Variants in M1AP observed in about 807,000 individuals in gnomAD.
The protein encoded by M1AP is meiosis 1 arrest protein.
M1AP carries 39 observed loss-of-function variants against 51.2 expected under a neutral mutation model. That is an observed-to-expected ratio of 0.76 (90% CI 0.59 to 1.00). The LOEUF (loss-of-function observed/expected upper bound fraction) is 1.00. Ranked by LOEUF, M1AP falls within the 50% of genes least tolerant of loss-of-function variation. The pLI, the probability that M1AP is intolerant of heterozygous loss-of-function variation, is 0.00. For synonymous variants in M1AP, 251 were observed against 249.2 expected (o/e 1.01, Z -0.07); for missense variants, 545 against 641.2 (o/e 0.85, Z 1.62).
rs200196423 is a variant in M1AP at position 74,637,980 on chromosome 2, C to G, written c.240+2056G>C. Among the ~76,000 whole-genome samples the G allele has an allele frequency of 7.9e-5, 12 of 152,274 alleles. No homozygotes were observed. In the East Asian group the frequency reaches 2.3e-3, roughly 29 times the overall value. On this transcript the variant is annotated intron_variant, in intron 2 of 10. Transcript: ENST00000421985. ...ATCCATCTCCTTGACTCAAGGAAAC[C>G]ACTGGCACCCGCCCCTAGGTTCTCC...
intron 5 of M1AP, 36 bp from the exon 6 acceptor site, chr2:74,576,654 C>A: frequency 6.2e-7 from 1 of 1,607,060 alleles, no homozygotes; most frequent in South Asian, 1.1e-5. Flanking sequence ...AGACACACTA[C>A]AATTGGAGGA....
At chr2:74,586,019 G>A (rs765414305) in intron 4 of M1AP, among the ~76,000 whole-genome samples, 3 of 152,090 alleles carry the variant, frequency 2.0e-5, no homozygotes, top group Non-Finnish European at 2.9e-5. Context: ...TATTCTACAA[G>A]TACCCTACCC....
intron 1 of M1AP, 28 bp downstream of exon 1, chr2:74,648,237 T>G (rs1373776485): frequency 6.2e-6 from 6 of 975,240 alleles, no homozygotes; most frequent in Non-Finnish European, 7.3e-6. Flanking sequence ...CGGGCTGCCC[T>G]CCCTCCCCGA....
At chr2:74,644,814 C>T (rs1683507128) in intron 1 of M1AP, among the ~76,000 whole-genome samples, 1 of 152,152 alleles carries the variant, frequency 6.6e-6, no homozygotes, top group African/African-American at 2.4e-5. Context: ...ACTTTAAGTA[C>T]ATGGGGCCAA....
chr2:74,580,149 C>T (rs1033568792), intron 5 of M1AP, among the ~76,000 whole-genome samples: 1 of 152,172 alleles, frequency 6.6e-6, no homozygotes, highest in Non-Finnish European at 1.5e-5. Context: ...GTGTACCTTA[C>T]AATTGATAGC....
intron 4 of M1AP, among the ~76,000 whole-genome samples, chr2:74,593,606 C>T (rs981479062): frequency 4.6e-5 from 7 of 152,164 alleles, no homozygotes; most frequent in African/African-American, 1.4e-4. Flanking sequence ...GTCTTGAACT[C>T]CTGGCCTCAA....
intron 5 of M1AP, among the ~76,000 whole-genome samples, chr2:74,580,618 T>A (rs1679347182): frequency 6.6e-6 from 1 of 151,858 alleles, no homozygotes; most frequent in African/African-American, 2.4e-5. Flanking sequence ...TCATAAAGAG[T>A]TCTATTACAG....
At chr2:74,573,962 A>T (rs1678903712) in intron 7 of M1AP, among the ~76,000 whole-genome samples, 1 of 152,214 alleles carries the variant, frequency 6.6e-6, no homozygotes, top group Non-Finnish European at 1.5e-5. Context: ...TGGGTGGAGT[A>T]AATAGTAAAC....
At chr2:74,585,473 C>G (rs978705724) in intron 4 of M1AP, among the ~76,000 whole-genome samples, 1 of 152,216 alleles carries the variant, frequency 6.6e-6, no homozygotes, top group African/African-American at 2.4e-5. Flanking sequence ...CACAGCCTCT[C>G]TATGAAGGAA....
intron 7 of M1AP, among the ~76,000 whole-genome samples, chr2:74,570,099 C>G (rs1384815233): frequency 6.6e-6 from 1 of 152,002 alleles, no homozygotes; most frequent in Non-Finnish European, 1.5e-5. Flanking sequence ...TCCATATATG[C>G]CATTTGTGCA....
chr2:74,589,109 AG>A (rs2104622599), intron 4 of M1AP, among the ~76,000 whole-genome samples: 2 of 152,356 alleles, frequency 1.3e-5, no homozygotes, highest in South Asian at 4.1e-4. Context: ...TTGGCTGGCC[AG>A]GGAAGTATTC....
chr2:74,595,633 A>G (rs190934633), intron 4 of M1AP, among the ~76,000 whole-genome samples: 2 of 152,254 alleles, frequency 1.3e-5, no homozygotes, highest in Admixed American at 1.3e-4. Context: ...ATTGTAGGCT[A>G]AAAGCAAAGA....
intron 4 of M1AP, among the ~76,000 whole-genome samples, chr2:74,584,756 G>C (rs531032099): frequency 1.7e-4 from 25 of 147,392 alleles, no homozygotes; most frequent in Non-Finnish European, 2.8e-4. Flanking sequence ...AGGCAGAATG[G>C]CTTATTGTCC....
intron 1 of M1AP, chr2:74,647,516 T>A: frequency 1.9e-6 from 1 of 523,828 alleles, no homozygotes; most frequent in Non-Finnish European, 2.4e-6. Context: ...TTGTAGGCCC[T>A]AAAAATCTCA....
rs550189575 is a variant in M1AP, at chr2:74,605,536, G to A, written c.595+1519C>T. On this transcript the variant is annotated intron_variant, in intron 4 of 10. Transcript: ENST00000421985. ...TTTACATGTACAGTAGTACAGTATT[G>A]TTATTTCTAGGTATAATGTTGTATA... is the stretch of plus-strand genomic sequence containing the variant. Among the ~76,000 whole-genome samples the A allele has an allele frequency of 1.6e-4, 24 of 152,210 alleles. No homozygotes were observed. In the South Asian group the frequency reaches 4.8e-3, roughly 30 times the overall value.
Position 74,607,219 on chromosome 2 carries a change from GT to G in M1AP, c.430del (p.Thr144LeufsTer3). 1 of 1,613,818 alleles carries G rather than the reference GT, an allele frequency of 6.2e-7. No homozygotes were observed. Among genetic ancestry groups the G allele is most frequent in the South Asian group, 1.1e-5 (1 of 91,058 alleles). On this transcript the variant is annotated frameshift_variant, in exon 4 of 11. Transcript: ENST00000421985. LOFTEE classifies it high-confidence loss of function. ...AALTYTSLEI[T>X]ILTSQPGKEV... Reference sequence around the variant, plus strand: ...TTTTCCAGGCTGAGAAGTCAGAATAGTAATCTGAAAATAAATCCAAGAATCA... The same window carrying G: ...TTTTCCAGGCTGAGAAGTCAGAATAGAATCTGAAAATAAATCCAAGAATCA...
intron 6 of M1AP, among the ~76,000 whole-genome samples, chr2:74,575,897 T>C (rs1219870430): frequency 1.3e-5 from 2 of 152,218 alleles, no homozygotes; most frequent in Non-Finnish European, 2.9e-5. Flanking sequence ...CTCTGTTACC[T>C]AGGCTGGAGT....
At chr2:74,594,512 G>A (rs1295520780) in intron 4 of M1AP, among the ~76,000 whole-genome samples, 1 of 152,142 alleles carries the variant, frequency 6.6e-6, no homozygotes, top group African/African-American at 2.4e-5. Context: ...TAGAAAGATA[G>A]AGAGAAAGAA....
At chr2:74,562,610 C>A (rs997837856) in intron 7 of M1AP, among the ~76,000 whole-genome samples, 187 bp from the exon 8 acceptor site, 3 of 152,156 alleles carry the variant, frequency 2.0e-5, no homozygotes, top group Admixed American at 6.5e-5. Context: ...CTCTTCCTCC[C>A]TGGTTTGAGA....
Sources: gnomAD v4.1 joint callset for allele counts (sites outside exome capture counted in the v4.1 genomes callset) on GRCh38, gnomAD v4.1.1 for gene constraint, MANE v1.5 for transcripts, NCBI Gene and HGNC (gene_info 2026-07-23, HGNC 2026-07-21) for gene names.